The following FREM3 variants were observed in gnomAD, a reference collection of about 807,000 sequenced individuals.
FREM3 encodes FRAS1-related extracellular matrix protein 3.
In FREM3, 105 loss-of-function variants were observed where a neutral mutation model predicts 129.1. The ratio of observed to expected loss-of-function variants is 0.81; its 90% CI spans 0.69 to 0.96. FREM3 has a LOEUF of 0.96. Among genes scored for constraint, FREM3 ranks in the 40% least tolerant of loss-of-function variants. The pLI, the probability that FREM3 is intolerant of heterozygous loss-of-function variation, is 0.00. For missense variants in FREM3, 2,593 were observed against 2,666.3 expected (o/e 0.97, Z 0.61); for synonymous variants, 1,014 against 1,044.9 (o/e 0.97, Z 0.57).
intron 2 of FREM3, among the ~76,000 whole-genome samples, chr4:143,629,320 A>C (rs567840173): frequency 6.6e-6 from 1 of 152,290 alleles, no homozygotes; most frequent in African/African-American, 2.4e-5. Context: ...CCTCCTTCGC[A>C]CTGCAGGTTC....
At chr4:143,578,991 G>A (rs1421746085) in intron 7 of FREM3, among the ~76,000 whole-genome samples, 1 of 151,498 alleles carries the variant, frequency 6.6e-6, no homozygotes, top group African/African-American at 2.4e-5. Flanking sequence ...GGTTATACAA[G>A]AGAATGTCTT....
intron 2 of FREM3, among the ~76,000 whole-genome samples, chr4:143,686,065 C>T (rs921781875): frequency 6.6e-6 from 1 of 152,142 alleles, no homozygotes; most frequent in Non-Finnish European, 1.5e-5. Flanking sequence ...CAACTATCTG[C>T]TGCATTCGGG....
chr4:143,617,592 G>C (rs1738874748), intron 5 of FREM3, among the ~76,000 whole-genome samples: 1 of 152,132 alleles, frequency 6.6e-6, no homozygotes, highest in Non-Finnish European at 1.5e-5. Flanking sequence ...TAGGCTTATT[G>C]CCTATTCTTT....
Position 143,699,658 on chromosome 4 carries a change from C to G in FREM3, c.1018G>C (p.Gly340Arg). ...TTCAGAATGTTGAACACCAGGTCACCAGGGTCTGACTCGACGTCCTCCGCG... is the reference window on the plus strand; with the variant it reads ...TTCAGAATGTTGAACACCAGGTCACGAGGGTCTGACTCGACGTCCTCCGCG... ...LAAEDVESDP[G>R]DLVFNILNAP... Residue 340 changes from glycine to arginine, a missense_variant, in exon 1 of 8, where the codon GGT (glycine) becomes CGT (arginine). Physicochemically the swap from Gly to Arg is moderately radical, Grantham distance 125. Transcript: ENST00000329798. This position sits in a 1 kb window ranked among gnomAD's most constrained non-coding sequence, Gnocchi z 4.2. The G allele has an allele frequency of 6.5e-7, 1 of 1,529,798 alleles. No individual in the cohort carries two copies. Among genetic ancestry groups the G allele is most frequent in the Non-Finnish European group, 8.8e-7 (1 of 1,142,488 alleles). The allele number at this position is 1,529,798 out of a possible 1,614,324, so 94.8% of individuals were successfully genotyped here. A position where few individuals can be genotyped will look rare whatever the true frequency, so the allele number is the denominator to read the frequency against.
At position 143,696,863 on chromosome 4, in the gene FREM3, A is replaced by G. The variant is rs1461197005; in HGVS notation, c.3813T>C (p.Asp1271=). Residue 1271 remains aspartate (D), a synonymous_variant, in exon 1 of 8, where the codon GAT becomes GAC. Transcript: ENST00000329798. ...AACTGTCCTCTTTTGTCTCTGAGTC[A>G]TCATGCTCATACACAATGGTGGAGG... ...QEASTIVYEH[D]DSETKEDSFE... is the part of the protein sequence containing the mutation. 1 of 1,537,664 alleles carries G rather than the reference A, an allele frequency of 6.5e-7. No individual in the cohort carries two copies.
intron 2 of FREM3, among the ~76,000 whole-genome samples, chr4:143,691,557 C>T (rs991030771): frequency 2.6e-5 from 4 of 152,176 alleles, no homozygotes; most frequent in African/African-American, 9.7e-5. Context: ...ATTGGCAAGA[C>T]CTGGATTTGA....
chr4:143,691,361 A>C (rs1164421792), intron 2 of FREM3, among the ~76,000 whole-genome samples: 1 of 152,112 alleles, frequency 6.6e-6, no homozygotes, highest in Non-Finnish European at 1.5e-5. Context: ...ATCACCACCA[A>C]AGAACTTACT....
chr4:143,700,597 G>A lies in FREM3; in HGVS notation c.79C>T (p.Pro27Ser), dbSNP rs1266378111. 2 of 1,472,712 alleles carry A rather than the reference G, an allele frequency of 1.4e-6. No homozygotes were observed. Among genetic ancestry groups the A allele is most frequent in the Non-Finnish European group, 1.8e-6 (2 of 1,113,180 alleles). 91.2% of individuals were successfully genotyped at this position (1,472,712 alleles called of 1,614,324 possible). Residue 27 changes from proline to serine, a missense_variant, in exon 1 of 8, where the codon CCC becomes TCC. Pro to Ser is a moderately conservative substitution (Grantham distance 74). Coordinates refer to ENST00000329798, the MANE Select transcript of FREM3 (RefSeq NM_001168235.2). ...VALACLLLSR[P>S]ALQGRASSLG... ...GAGGATGCCCGTCCCTGCAGCGCGG[G>A]GCGACTCAAGAGCAGGCAGGCGAGC...
At chr4:143,592,926 C>T (rs1421487024) in intron 6 of FREM3, among the ~76,000 whole-genome samples, 3 of 152,164 alleles carry the variant, frequency 2.0e-5, no homozygotes, top group African/African-American at 4.8e-5. Context: ...TTCTTGGAGG[C>T]TTTGCTCGTT....
intron 2 of FREM3, among the ~76,000 whole-genome samples, chr4:143,680,431 T>C (rs902025511): frequency 6.6e-6 from 1 of 152,074 alleles, no homozygotes; most frequent in Non-Finnish European, 1.5e-5. Context: ...CTAAGGCCCA[T>C]AGACTTGTTT....
At chr4:143,604,330 G>T (rs1221044567) in intron 6 of FREM3, among the ~76,000 whole-genome samples, 1 of 151,872 alleles carries the variant, frequency 6.6e-6, no homozygotes, top group Non-Finnish European at 1.5e-5. Flanking sequence ...CAACGCAAAA[G>T]GACTAAGACA....
intron 2 of FREM3, among the ~76,000 whole-genome samples, chr4:143,682,436 C>G (rs569117816): frequency 6.6e-6 from 1 of 152,292 alleles, no homozygotes; most frequent in Non-Finnish European, 1.5e-5. Flanking sequence ...CGGGCTACCA[C>G]TTCTGTTACA....
At chr4:143,667,837 C>A (rs1174641962) in intron 2 of FREM3, among the ~76,000 whole-genome samples, 1 of 152,180 alleles carries the variant, frequency 6.6e-6, no homozygotes, top group African/African-American at 2.4e-5. Context: ...ATTTCCCTCT[C>A]TTTAGTAGGA....
chr4:143,607,726 A>C (rs1007984603), intron 6 of FREM3, among the ~76,000 whole-genome samples: 2 of 152,158 alleles, frequency 1.3e-5, no homozygotes, highest in African/African-American at 4.8e-5. Flanking sequence ...TTGGTTTCTT[A>C]TATAGACGTT....
At chr4:143,608,137 A>G (rs1738696686) in intron 6 of FREM3, among the ~76,000 whole-genome samples, 1 of 152,136 alleles carries the variant, frequency 6.6e-6, no homozygotes, top group African/African-American at 2.4e-5. Context: ...CCTTAACTTA[A>G]TCAGACCTGA....
At position 143,611,350 on chromosome 4, in the gene FREM3, A is replaced by G; in HGVS notation, c.5957T>C (p.Leu1986Pro). ...EEESFSVSLR[L>P]PVGGQLGARF... ...GGCTCCCAGCTGTCCTCCCACTGGCAGCCTAAGTGAAACGCTGAAGGATTC... is the reference window on the plus strand; with the variant it reads ...GGCTCCCAGCTGTCCTCCCACTGGCGGCCTAAGTGAAACGCTGAAGGATTC... Residue 1986 changes from leucine (L) to proline (P), a missense_variant, in exon 6 of 8, where the codon CTG becomes CCG. Leu to Pro is a moderately conservative substitution (Grantham distance 98). Around this residue, in one of 2 missense-constraint regions of FREM3, gnomAD observed 317 missense variants for 399.0 expected, o/e 0.79. Coordinates refer to ENST00000329798, the MANE Select transcript of FREM3 (RefSeq NM_001168235.2). The G allele has an allele frequency of 6.5e-7, 1 of 1,537,144 alleles. No homozygotes were observed. Among genetic ancestry groups the G allele is most frequent in the Non-Finnish European group, 8.7e-7 (1 of 1,146,840 alleles).
chr4:143,679,056 T>G (rs1406100395), intron 2 of FREM3, among the ~76,000 whole-genome samples: 1 of 152,194 alleles, frequency 6.6e-6, no homozygotes, highest in Non-Finnish European at 1.5e-5. Context: ...ATGCACAGTT[T>G]AATTGTTGTT....
At chr4:143,604,816 C>T (rs1738641435) in intron 6 of FREM3, among the ~76,000 whole-genome samples, 2 of 152,166 alleles carry the variant, frequency 1.3e-5, no homozygotes, top group African/African-American at 4.8e-5. Context: ...GTTACAGAAT[C>T]TGAATGCAAG....
At chr4:143,674,908 T>C (rs996368070) in intron 2 of FREM3, among the ~76,000 whole-genome samples, 9 of 152,110 alleles carry the variant, frequency 5.9e-5, no homozygotes, top group East Asian at 1.9e-4. Flanking sequence ...CTGAGAGACA[T>C]ACAAAGAGAC....
Sources: gnomAD v4.1 joint callset for allele counts (sites outside exome capture counted in the v4.1 genomes callset) on GRCh38, gnomAD v4.1.1 for gene constraint, gnomAD v4.1.1 regional missense constraint, Gnocchi (gnomAD v3.1) non-coding constraint, MANE v1.5 for transcripts, NCBI Gene and HGNC (gene_info 2026-07-23, HGNC 2026-07-21) for gene names.